The following BCL2 variants were observed in gnomAD, a reference collection of about 807,000 sequenced individuals.
The protein encoded by BCL2 is BCL2 apoptosis regulator.
A neutral mutation model predicts 14.2 loss-of-function variants in BCL2; 1 was observed. That is an observed-to-expected ratio of 0.07 (90% CI 0.02 to 0.33). The LOEUF (loss-of-function observed/expected upper bound fraction) is 0.33. Ranked by LOEUF, BCL2 falls within the 10% of genes least tolerant of loss-of-function variation. BCL2 has a pLI of 0.99. For synonymous variants in BCL2, 151 were observed against 137.2 expected (o/e 1.10, Z -0.70); for missense variants, 247 against 305.9 (o/e 0.81, Z 1.44).
intron 2 of BCL2, among the ~76,000 whole-genome samples, chr18:63,204,611 C>T (rs1414603689): frequency 6.6e-6 from 1 of 152,142 alleles, no homozygotes; most frequent in South Asian, 2.1e-4. Context: ...AAATAGTTCA[C>T]CCATAGAATT....
chr18:63,251,418 C>A (rs558706333), intron 2 of BCL2, among the ~76,000 whole-genome samples: 1 of 151,870 alleles, frequency 6.6e-6, no homozygotes, highest in Non-Finnish European at 1.5e-5. Flanking sequence ...CCGAGGCAGG[C>A]GGATCACCAG....
intron 2 of BCL2, among the ~76,000 whole-genome samples, chr18:63,274,741 G>T (rs1912105842): frequency 1.3e-5 from 2 of 152,148 alleles, no homozygotes; most frequent in Admixed American, 1.3e-4. Flanking sequence ...AAAACCCCGG[G>T]TGTGGAGTCT....
chr18:63,133,920 C>T (rs572410105), intron 2 of BCL2, among the ~76,000 whole-genome samples: 1 of 152,288 alleles, frequency 6.6e-6, no homozygotes, highest in Admixed American at 6.5e-5. Context: ...ACTGACAGCG[C>T]GTCCACATGA....
intron 2 of BCL2, among the ~76,000 whole-genome samples, chr18:63,130,719 AC>A (rs751007797): frequency 5.3e-5 from 8 of 152,306 alleles, no homozygotes; most frequent in Non-Finnish European, 1.2e-4. Flanking sequence ...AGTGTTTAAA[AC>A]TTTTGCTATT....
intron 2 of BCL2, among the ~76,000 whole-genome samples, chr18:63,263,593 T>C (rs1465226196): frequency 6.6e-6 from 1 of 152,214 alleles, no homozygotes; most frequent in African/African-American, 2.4e-5. Flanking sequence ...TCTAGTTCAT[T>C]ACTTTTACTC....
At chr18:63,137,494 T>A (rs1256646459) in intron 2 of BCL2, among the ~76,000 whole-genome samples, 1 of 152,214 alleles carries the variant, frequency 6.6e-6, no homozygotes, top group South Asian at 2.1e-4. Flanking sequence ...TAATAGATAA[T>A]ATTTTTTTAA....
rs533580324 is a variant in BCL2, at chr18:63,268,108, G to A, written c.585+49974C>T. 1.2e-4 allele frequency among the ~76,000 whole-genome samples: 18 copies of A among 152,302 alleles called. No homozygotes were observed. The East Asian group carries it at 2.5e-3, about 21-fold the overall frequency. On this transcript the variant is annotated intron_variant, in intron 2 of 2. Coordinates refer to ENST00000333681, the MANE Select transcript of BCL2 (RefSeq NM_000633.3). ...AAAGCTGTCACTGTTGTGTATGTGC[G>A]TCTGCACACCACCGTGAGTAGCCTG...
At chr18:63,254,644 C>A (rs369020034) in intron 2 of BCL2, among the ~76,000 whole-genome samples, 1 of 151,966 alleles carries the variant, frequency 6.6e-6, no homozygotes, top group African/African-American at 2.4e-5. Context: ...TATAGCCCAA[C>A]GTTATTTGAA....
At chr18:63,319,923 G>A (rs1483534241), upstream of BCL2, 1 of 167,386 alleles carries the variant, frequency 6.0e-6, no homozygotes, top group Non-Finnish European at 1.3e-5. Context: ...CCTCCTCCTG[G>A]TCCTGCGCGG....
At chr18:63,202,491 C>A (rs369728977) in intron 2 of BCL2, among the ~76,000 whole-genome samples, 1 of 152,108 alleles carries the variant, frequency 6.6e-6, no homozygotes, top group Admixed American at 6.6e-5. Context: ...CTGGACAAGA[C>A]GGTTTGTAAG....
intron 2 of BCL2, among the ~76,000 whole-genome samples, chr18:63,142,890 CTT>C (rs1160779372): frequency 6.6e-6 from 1 of 152,240 alleles, no homozygotes; most frequent in Non-Finnish European, 1.5e-5. Flanking sequence ...CTGCTTGGCT[CTT>C]TGACAATCCT....
intron 2 of BCL2, among the ~76,000 whole-genome samples, chr18:63,206,263 A>G (rs987682276): frequency 6.6e-6 from 1 of 152,216 alleles, no homozygotes; most frequent in Non-Finnish European, 1.5e-5. Flanking sequence ...CACGCAGACG[A>G]TAAGCACCGT....
At chr18:63,270,196 G>A (rs550615293) in intron 2 of BCL2, among the ~76,000 whole-genome samples, 6 of 152,194 alleles carry the variant, frequency 3.9e-5, no homozygotes, top group Admixed American at 1.3e-4. Context: ...AAAATCAATC[G>A]AAATGATAAA....
At chr18:63,154,298 A>G (rs920469298) in intron 2 of BCL2, among the ~76,000 whole-genome samples, 2 of 152,122 alleles carry the variant, frequency 1.3e-5, no homozygotes, top group African/African-American at 4.8e-5. Context: ...ACCCCACTGC[A>G]TGGCTTACCT....
chr18:63,211,752 G>A (rs1352737542), intron 2 of BCL2, among the ~76,000 whole-genome samples: 4 of 152,194 alleles, frequency 2.6e-5, no homozygotes, highest in African/African-American at 9.7e-5. Context: ...GTCCTACTGT[G>A]GCTGCAAGCT....
intron 2 of BCL2, among the ~76,000 whole-genome samples, chr18:63,166,056 A>C (rs1053625065): frequency 2.6e-5 from 4 of 152,248 alleles, no homozygotes; most frequent in African/African-American, 9.6e-5. Flanking sequence ...TTGCAGACCC[A>C]CAGGACACAA....
At chr18:63,242,924 G>C (rs1281786014) in intron 2 of BCL2, among the ~76,000 whole-genome samples, 1 of 152,172 alleles carries the variant, frequency 6.6e-6, no homozygotes, top group Non-Finnish European at 1.5e-5. Flanking sequence ...GGAATATTGT[G>C]AAATGCCCCA....
At chr18:63,244,042 G>A (rs1200293440) in intron 2 of BCL2, among the ~76,000 whole-genome samples, 2 of 152,088 alleles carry the variant, frequency 1.3e-5, no homozygotes, top group Non-Finnish European at 2.9e-5. Context: ...TCAGGAGTTC[G>A]AGACCAGCCT....
chr18:63,264,882 C>T (rs893348844), intron 2 of BCL2, among the ~76,000 whole-genome samples: 2 of 50 alleles, frequency 0.04, no homozygotes, highest in Non-Finnish European at 0.071. Context: ...GTGGGGAGTA[C>T]GCTGTCTCAA....
Sources: gnomAD v4.1 joint callset for allele counts (sites outside exome capture counted in the v4.1 genomes callset) on GRCh38, gnomAD v4.1.1 for gene constraint, MANE v1.5 for transcripts, NCBI Gene and HGNC (gene_info 2026-07-23, HGNC 2026-07-21) for gene names.